Variants in UTP20 observed in about 807,000 individuals in gnomAD.
The protein encoded by UTP20 is UTP20 small subunit processome component.
A neutral mutation model predicts 329.5 loss-of-function variants in UTP20; 164 were observed. That is an observed-to-expected ratio of 0.50 (90% CI 0.44 to 0.57). The LOEUF (loss-of-function observed/expected upper bound fraction) is 0.57. UTP20 is among the 20% of genes least tolerant of loss of function. UTP20 has a pLI of 0.00. For synonymous variants in UTP20, 1,151 were observed against 1,159.3 expected, an observed-to-expected ratio of 0.99 and a Z score of 0.14; for missense variants, 3,055 against 3,284.2, an observed-to-expected ratio of 0.93 and a Z score of 1.71.
chr12:101,366,909 A>G (rs988755351), intron 47 of UTP20, among the ~76,000 whole-genome samples: 1 of 151,936 alleles, frequency 6.6e-6, no homozygotes, highest in Non-Finnish European at 1.5e-5. Flanking sequence ...AGAATTAATG[A>G]TTCTGCTCTA....
Position 101,299,451 on chromosome 12 carries a change from T to G in UTP20, c.1431-231T>G, listed in dbSNP as rs151199474. Among the ~76,000 whole-genome samples, 477 of 152,278 alleles carry G rather than the reference T, an allele frequency of 3.1e-3. 2 individuals carry two copies. Among genetic ancestry groups the G allele is most frequent in the African/African-American group, 0.01 (431 of 41,548 alleles). On this transcript the variant is annotated intron_variant, in intron 12 of 61. Coordinates refer to ENST00000261637, the MANE Select transcript of UTP20 (RefSeq NM_014503.3). ...ACTTAAAACTAGAAGAAACTTGGTT[T>G]AAGTTATAAAGCAAATTAAAATAGA...
At chr12:101,382,018 CAA>C (rs756789889) in intron 58 of UTP20, among the ~76,000 whole-genome samples, 4 of 107,306 alleles carry the variant, frequency 3.7e-5, no homozygotes, top group Non-Finnish European at 3.5e-5. Flanking sequence ...GACTCTGTAT[CAA>C]AAAAAAAAAA....
Position 101,386,164 on chromosome 12 carries a change from T to C in UTP20, c.*41T>C, listed in dbSNP as rs777705829. 7 of 1,566,808 alleles carry C rather than the reference T, an allele frequency of 4.5e-6. No individual in the cohort carries two copies. Among genetic ancestry groups the C allele is most frequent in the African/African-American group, 2.8e-5 (2 of 71,482 alleles). On this transcript the variant is annotated 3_prime_UTR_variant, in exon 62 of 62. Coordinates refer to ENST00000261637, the MANE Select transcript of UTP20 (RefSeq NM_014503.3). Reference sequence around the variant, plus strand: ...ATACAAGCATGAACTTTCTGGAATATTCTGCTAGTCTGAAATTACAGTAGG... The same window carrying C: ...ATACAAGCATGAACTTTCTGGAATACTCTGCTAGTCTGAAATTACAGTAGG...
chr12:101,362,201 T>TA lies in UTP20; in HGVS notation c.5790+144dup, dbSNP rs1195125042. On this transcript the variant is annotated intron_variant, in intron 44 of 61. Transcript: ENST00000261637. The stretch of plus-strand genomic sequence containing the variant: ...CTCATCTTTTAGATTAGCAGAGGTT[T>TA]AAAGAGCTAAGACTAAAGCGAGATG... 4.4e-5 allele frequency: 27 copies of TA among 611,478 alleles called. 3 individuals carry two copies. The South Asian group carries it at 4.7e-4, about 11-fold the overall frequency. 37.9% of individuals were successfully genotyped at this position (611,478 alleles called of 1,614,324 possible).
Position 101,334,502 on chromosome 12 carries a change from A to C in UTP20, c.3639A>C (p.Ala1213=). The C allele has an allele frequency of 6.2e-7, 1 of 1,610,086 alleles. No individual in the cohort carries two copies. The highest frequency in any genetic ancestry group is 8.5e-7 in the Non-Finnish European group (1 of 1,179,510). ...TGATCAGTATCTGGAGCAGAAACGCAAGGTATAACCTTTCTTTTTTCCTTC... is the reference window on the plus strand; with the variant it reads ...TGATCAGTATCTGGAGCAGAAACGCCAGGTATAACCTTTCTTTTTTCCTTC... ...LKLISIWSRN[A]RYFPLLAKQK... Residue 1213 remains alanine (A), a splice_region_variant and synonymous_variant, in exon 29 of 62, where the codon GCA becomes GCC. Transcript: ENST00000261637.
At chr12:101,322,084 G>A (rs1300447331) in intron 25 of UTP20, among the ~76,000 whole-genome samples, 1 of 152,122 alleles carries the variant, frequency 6.6e-6, no homozygotes, top group Non-Finnish European at 1.5e-5. Context: ...CGCCCTCCCA[G>A]GTTCAAGCTA....
At chr12:101,337,256 G>T (rs997393327) in intron 29 of UTP20, among the ~76,000 whole-genome samples, 3 of 152,206 alleles carry the variant, frequency 2.0e-5, no homozygotes, top group Non-Finnish European at 4.4e-5. Flanking sequence ...TAACCTCTTA[G>T]AACTTTTCTG....
intron 44 of UTP20, among the ~76,000 whole-genome samples, chr12:101,363,126 C>T (rs1334606495): frequency 9.8e-6 from 1 of 102,430 alleles, no homozygotes; most frequent in Non-Finnish European, 1.5e-5. Flanking sequence ...GAGTGGGACT[C>T]TGTATCAAAA....
In UTP20 at chr12:101,342,954, A is replaced by C; in HGVS notation, c.4310A>C (p.Asp1437Ala). The change falls in exon 35 of 62, where the codon GAT (aspartate) becomes GCT (alanine). Residue 1437 changes from aspartate (D) to alanine (A), a missense_variant. By Grantham distance (126) the Asp-to-Ala change is moderately radical (BLOSUM62 -2). Transcript: ENST00000261637. ...CATTTCTTATAGCTTAACGCCTTCG[A>C]TCAAAGACATCTTGATGATATCAAC... Reference protein sequence around the residue: ...ITDVVKLNAFDQRHLDDINFD... With the variant: ...ITDVVKLNAFAQRHLDDINFD... 7.4e-6 allele frequency: 12 copies of C among 1,613,390 alleles called. No homozygotes were observed. Among genetic ancestry groups the C allele is most frequent in the Non-Finnish European group, 9.3e-6 (11 of 1,179,882 alleles).
chr12:101,292,650 G>A, intron 10 of UTP20, among the ~76,000 whole-genome samples: 1 of 152,102 alleles, frequency 6.6e-6, no homozygotes, highest in East Asian at 1.9e-4. Flanking sequence ...ACTAAGAGAG[G>A]GAACAGAAAA....
intron 11 of UTP20, among the ~76,000 whole-genome samples, chr12:101,294,501 T>G (rs557770648): frequency 6.6e-6 from 1 of 152,032 alleles, no homozygotes; most frequent in Admixed American, 6.5e-5. Context: ...CAAGGAGTAT[T>G]TTATGATTAT....
At chr12:101,373,818 T>C in intron 54 of UTP20, 51 bp downstream of exon 54, 1 of 1,571,160 alleles carries the variant, frequency 6.4e-7, no homozygotes, top group South Asian at 1.2e-5. Flanking sequence ...GCTTTGGGGA[T>C]CATAGTTTAA....
intron 18 of UTP20, among the ~76,000 whole-genome samples, chr12:101,308,860 G>A (rs1872707551): frequency 6.6e-6 from 1 of 151,908 alleles, no homozygotes; most frequent in Non-Finnish European, 1.5e-5. Context: ...AGCCTCCCGA[G>A]TTGCTGGAAC....
chr12:101,379,028 G>T (rs1280656598), intron 56 of UTP20, among the ~76,000 whole-genome samples: 1 of 152,126 alleles, frequency 6.6e-6, no homozygotes, highest in African/African-American at 2.4e-5. Flanking sequence ...ATCCAATTGG[G>T]GTAATGAGAA....
In UTP20 at chr12:101,333,427, G is replaced by C. The variant is rs540510636; in HGVS notation, c.3544G>C (p.Gly1182Arg). The C allele has an allele frequency of 1.9e-6, 3 of 1,613,606 alleles. No homozygotes were observed. The highest frequency in any genetic ancestry group is 2.2e-5 in the East Asian group (1 of 44,830). ...RTEEIDAVFH[G>R]AVWPQISRLG... ...AGAAGAAATTGATGCTGTGTTTCAT[G>C]GTGCAGTTTGGCCCCAGGTAAACCT... Residue 1182 changes from glycine to arginine, a missense_variant, in exon 28 of 62, where the codon GGT becomes CGT. By Grantham distance (125) the Gly-to-Arg change is moderately radical. Transcript: ENST00000261637.
intron 26 of UTP20, among the ~76,000 whole-genome samples, chr12:101,327,561 T>A (rs538012347): frequency 6.6e-6 from 1 of 152,350 alleles, no homozygotes; most frequent in East Asian, 1.9e-4. Context: ...AGGTTTCTTC[T>A]AAGAAATTCA....
At chr12:101,280,588 T>G (rs1200764813) in intron 1 of UTP20, among the ~76,000 whole-genome samples, 2 of 152,226 alleles carry the variant, frequency 1.3e-5, no homozygotes, top group Admixed American at 6.5e-5. Context: ...AATTCACTAT[T>G]CCAGGAGATT....
intron 38 of UTP20, among the ~76,000 whole-genome samples, chr12:101,349,947 A>C (rs967295549): frequency 6.6e-6 from 1 of 150,838 alleles, no homozygotes; most frequent in South Asian, 2.1e-4. Context: ...CAGGTTCACT[A>C]ATCTTTTCTT....
At chr12:101,380,584 C>T (rs1487269773) in intron 57 of UTP20, among the ~76,000 whole-genome samples, 4 of 151,822 alleles carry the variant, frequency 2.6e-5, no homozygotes, top group Non-Finnish European at 5.9e-5. Context: ...GAGGATTGGC[C>T]GGGTGTGGTG....
Sources: allele counts gnomAD v4.1 joint callset (sites outside exome capture counted in the v4.1 genomes callset), GRCh38; gene constraint gnomAD v4.1.1; transcripts MANE v1.5; gene names NCBI Gene and HGNC (gene_info 2026-07-23, HGNC 2026-07-21).